Variants in SH3TC1 observed in about 807,000 individuals in gnomAD.
The protein encoded by SH3TC1 is SH3 domain and tetratricopeptide repeats 1, also known as SH3 domain and tetratricopeptide repeat-containing protein 1.
SH3TC1 carries 135 observed loss-of-function variants against 117.3 expected under a neutral mutation model. The observed-to-expected ratio is 1.15, with a 90% CI of 1.00 to 1.33. The LOEUF (loss-of-function observed/expected upper bound fraction) is 1.33, where lower values mean the gene tolerates loss of function less well. Among genes scored for constraint, SH3TC1 ranks in the 40% most tolerant of loss-of-function variants. SH3TC1 has a pLI of 0.00. For synonymous variants in SH3TC1, 898 were observed against 816.9 expected, an observed-to-expected ratio of 1.10 and a Z score of -1.69; for missense variants, 2,092 against 1,794.3, an observed-to-expected ratio of 1.17 and a Z score of -3.00.
intron 13 of SH3TC1, 98 bp from the exon 14 acceptor site, chr4:8,233,265 T>C (rs1456394379): frequency 2.6e-5 from 39 of 1,497,396 alleles, no homozygotes; most frequent in Non-Finnish European, 3.3e-5. Flanking sequence ...CCGTTCCCAG[T>C]CCCATTCCAG....
At chr4:8,231,676 G>A (rs981585085) in intron 12 of SH3TC1, 24 of 410,748 alleles carry the variant, frequency 5.8e-5, no homozygotes, top group South Asian at 2.8e-4. Context: ...TCGTCAGCTC[G>A]GGCTGAAGGC....
upstream of SH3TC1, among the ~76,000 whole-genome samples, chr4:8,198,878 C>A (rs1717654778): frequency 6.6e-6 from 1 of 152,184 alleles, no homozygotes; most frequent in Non-Finnish European, 1.5e-5. Flanking sequence ...TGTGCCCATG[C>A]ATATGTATGT....
chr4:8,207,619 G>A (rs1718315595), intron 2 of SH3TC1, among the ~76,000 whole-genome samples: 1 of 152,282 alleles, frequency 6.6e-6, no homozygotes, highest in East Asian at 1.9e-4. Context: ...GTTATCCATT[G>A]ATTTATTTCA....
intron 15 of SH3TC1, 69 bp from the exon 16 acceptor site, chr4:8,236,209 G>T: frequency 6.8e-7 from 1 of 1,467,700 alleles, no homozygotes; most frequent in East Asian, 2.6e-5. Flanking sequence ...GCACATGTTT[G>T]AGCTCTGAGG....
rs1391711771 is a variant in SH3TC1 at position 8,227,940 on chromosome 4, A to G, written c.2246A>G (p.Asn749Ser). 4.3e-6 allele frequency: 7 copies of G among 1,612,532 alleles called. No individual in the cohort carries two copies. The highest frequency in any genetic ancestry group is 5.9e-6 in the Non-Finnish European group (7 of 1,179,924). Reference sequence around the variant, plus strand: ...CTGGCCGGCTCGCTGAGGAGTGTGAACCTGGTGCTCCAGAACGCCCCCCAG... The same window carrying G: ...CTGGCCGGCTCGCTGAGGAGTGTGAGCCTGGTGCTCCAGAACGCCCCCCAG... ...GSLAGSLRSV[N>S]LVLQNAPQPH... is the part of the protein sequence containing the mutation. The change falls in exon 12 of 18, where the codon AAC becomes AGC. Residue 749 changes from asparagine (N) to serine (S), a missense_variant. Physicochemically the swap from Asn to Ser is conservative, Grantham distance 46. Transcript: ENST00000245105.
chr4:8,204,596 T>C (rs376331757), intron 1 of SH3TC1, among the ~76,000 whole-genome samples: 1 of 152,106 alleles, frequency 6.6e-6, no homozygotes, highest in Admixed American at 6.5e-5. Context: ...CATCCTCCTC[T>C]CTTATTAGCG....
chr4:8,229,715 G>C (rs1312621220), intron 12 of SH3TC1, among the ~76,000 whole-genome samples: 3 of 151,836 alleles, frequency 2.0e-5, no homozygotes, highest in Admixed American at 2.0e-4. Context: ...GAGTGGGGGG[G>C]TTCAGACCCA....
chr4:8,204,373 A>T (rs145222875), intron 1 of SH3TC1, among the ~76,000 whole-genome samples: 3 of 152,228 alleles, frequency 2.0e-5, no homozygotes, highest in Non-Finnish European at 4.4e-5. Context: ...CAGCAGGGAA[A>T]ATCTTCTCAC....
chr4:8,208,971 A>G (rs1279274839), intron 2 of SH3TC1, among the ~76,000 whole-genome samples: 8 of 152,208 alleles, frequency 5.3e-5, no homozygotes, highest in Admixed American at 4.6e-4. Context: ...TGGATAGAGA[A>G]ACTGCGCAGG....
Position 8,207,820 on chromosome 4 carries a change from T to C in SH3TC1, c.173-1928T>C, listed in dbSNP as rs183017873. Among the ~76,000 whole-genome samples the C allele has an allele frequency of 3.1e-3, 470 of 152,342 alleles. 4 individuals are homozygous for C. The highest frequency in any genetic ancestry group is 0.011 in the African/African-American group (449 of 41,582). Reference sequence around the variant, plus strand: ...CCTGCCATAGCCCTGGGATCGGCCATATCCACAGCCCCGTGTTTCCAGGGA... The same window carrying C: ...CCTGCCATAGCCCTGGGATCGGCCACATCCACAGCCCCGTGTTTCCAGGGA... On this transcript the variant is annotated intron_variant, in intron 2 of 17. Coordinates refer to ENST00000245105, the MANE Select transcript of SH3TC1 (RefSeq NM_018986.5).
At chr4:8,236,607 C>A in intron 16 of SH3TC1, 179 bp downstream of exon 16, 1 of 691,530 alleles carries the variant, frequency 1.4e-6, no homozygotes, top group Non-Finnish European at 2.2e-6. Context: ...GTCCTTCACT[C>A]AGTGCAGAGC....
In SH3TC1 at chr4:8,228,411, T is replaced by A; in HGVS notation, c.2717T>A (p.Leu906Gln). ...LGQQRNQAVG[L>Q]ANFGALCLHA... ...CAGCAAAGGAACCAGGCAGTGGGGC[T>A]GGCCAACTTCGGGGCCCTGTGCCTG... The change falls in exon 12 of 18, where the codon CTG (leucine) becomes CAG (glutamine). Residue 906 changes from leucine (L) to glutamine (Q), a missense_variant. By Grantham distance (113) the Leu-to-Gln change is moderately radical. Coordinates refer to ENST00000245105, the MANE Select transcript of SH3TC1 (RefSeq NM_018986.5). 1 of 1,607,612 alleles carries A rather than the reference T, an allele frequency of 6.2e-7. No individual in the cohort carries two copies. Among genetic ancestry groups the A allele is most frequent in the Admixed American group, 1.7e-5 (1 of 59,796 alleles).
intron 12 of SH3TC1, among the ~76,000 whole-genome samples, chr4:8,230,891 T>C (rs1332183263): frequency 6.6e-6 from 1 of 150,830 alleles, no homozygotes; most frequent in Admixed American, 6.6e-5. Flanking sequence ...GCCATTCTCC[T>C]GCCTCGGCCT....
intron 13 of SH3TC1, chr4:8,232,429 G>A (rs747122929): frequency 6.5e-7 from 1 of 1,540,122 alleles, no homozygotes; most frequent in African/African-American, 1.4e-5. Context: ...CCCAGCAGAA[G>A]CAGTTACATG....
intron 10 of SH3TC1, 140 bp downstream of exon 10, chr4:8,223,110 G>C (rs530529320): frequency 8.4e-7 from 1 of 1,184,862 alleles, no homozygotes; most frequent in African/African-American, 1.5e-5. Context: ...GCTGCCTCCA[G>C]GGCACATAGG....
rs1187942798 is a variant in SH3TC1, at chr4:8,210,170, CA to C, written c.247+349del. The stretch of plus-strand genomic sequence containing the variant: ...CCACTGCGTCGTGGGGTGAGGTGTC[CA>C]GGCACAGGCTTCCCAGGGATGGGAT... On this transcript the variant is annotated intron_variant, in intron 3 of 17. Coordinates refer to ENST00000245105, the MANE Select transcript of SH3TC1 (RefSeq NM_018986.5). The surrounding 1 kb of genome is among the most constrained non-coding windows in gnomAD (Gnocchi z 4.1). Among the ~76,000 whole-genome samples the C allele has an allele frequency of 6.6e-6, 1 of 152,104 alleles. No individual in the cohort carries two copies. The highest frequency in any genetic ancestry group is 1.5e-5 in the Non-Finnish European group (1 of 67,986).
In SH3TC1 at chr4:8,210,017, C is replaced by T. The variant is rs28617743; in HGVS notation, c.247+195C>T. Reference sequence around the variant, plus strand: ...CCTGCACCCAGAGGGGGACATGGCCCCTGGGGCTCCCCTAGGCATCCCTGT... The same window carrying T: ...CCTGCACCCAGAGGGGGACATGGCCTCTGGGGCTCCCCTAGGCATCCCTGT... On this transcript the variant is annotated intron_variant, in intron 3 of 17. Transcript: ENST00000245105. This position sits in a 1 kb window ranked among gnomAD's most constrained non-coding sequence, Gnocchi z 4.1. 6.6e-6 allele frequency among the ~76,000 whole-genome samples: 1 copy of T among 152,296 alleles called. No individual in the cohort carries two copies. Among genetic ancestry groups the T allele is most frequent in the East Asian group, 1.9e-4 (1 of 5,176 alleles).
intron 6 of SH3TC1, 128 bp from the exon 7 acceptor site, chr4:8,216,829 C>CT: frequency 1.1e-6 from 1 of 918,272 alleles, no homozygotes; most frequent in Non-Finnish European, 1.7e-6. Context: ...GTCTCTGTGC[C>CT]TGCAGACACT....
rs1296364535 is a variant in SH3TC1 at position 8,183,598 on chromosome 4, T to C, written c.-57+1388T>C. On this transcript the variant is annotated intron_variant, in intron 1 of 16. Coordinates refer to the SH3TC1 transcript ENST00000508641. This position sits in a 1 kb window ranked among gnomAD's most constrained non-coding sequence, Gnocchi z 5.4. ...CCACCCTACAGGGACTTTTTGTTTG[T>C]TTTTCTTTTAATAGACTGAATTCTT... is the stretch of plus-strand genomic sequence containing the variant. Among the ~76,000 whole-genome samples the C allele has an allele frequency of 1.3e-5, 2 of 152,192 alleles. No homozygotes were observed. The highest frequency in any genetic ancestry group is 2.9e-5 in the Non-Finnish European group (2 of 68,044).
Sources: allele counts gnomAD v4.1 joint callset (sites outside exome capture counted in the v4.1 genomes callset), GRCh38; gene constraint gnomAD v4.1.1; non-coding constraint Gnocchi (gnomAD v3.1); transcripts MANE v1.5; gene names NCBI Gene and HGNC (gene_info 2026-07-23, HGNC 2026-07-21).